The following CDS2 variants were observed in gnomAD, a reference collection of about 807,000 sequenced individuals.
The protein encoded by CDS2 is phosphatidate cytidylyltransferase 2.
In CDS2, 47 loss-of-function variants were observed where a neutral mutation model predicts 59.0. The observed-to-expected ratio is 0.80, with a 90% CI of 0.63 to 1.02. CDS2 has a LOEUF of 1.02. Ranked by LOEUF, CDS2 falls within the 50% of genes least tolerant of loss-of-function variation. CDS2 has a pLI of 0.00. For synonymous variants in CDS2, 207 were observed against 206.4 expected (o/e 1.00, Z -0.02); for missense variants, 356 against 558.9 (o/e 0.64, Z 3.66).
intron 1 of CDS2, among the ~76,000 whole-genome samples, chr20:5,145,177 G>A (rs1325960506): frequency 2.0e-5 from 3 of 150,956 alleles, no homozygotes; most frequent in Admixed American, 6.6e-5. Flanking sequence ...CTCTGGGCGC[G>A]TAGATGGAGT....
In CDS2 at chr20:5,174,782, T is replaced by C. The variant is rs114220391; in HGVS notation, c.195-401T>C. ...TGTTATTATCATTGCATAATGTTAC[T>C]ATTATTCCCATAATTATTCAGGGCA... On this transcript the variant is annotated intron_variant, in intron 2 of 12. Transcript: ENST00000460006. Among the ~76,000 whole-genome samples, 1,360 of 152,278 alleles carry C rather than the reference T, an allele frequency of 8.9e-3. 16 individuals are homozygous for C. Among genetic ancestry groups the C allele is most frequent in the African/African-American group, 0.032 (1,313 of 41,566 alleles).
chr20:5,196,021 T>A lies in CDS2; in HGVS notation c.*5787T>A, dbSNP rs6107592. ...GAAGGAATGGTGTTGGCTAACAGGA[T>A]CCATGAAATTCCTAGGTCAGTTGAA... On this transcript the variant is annotated 3_prime_UTR_variant, in exon 13 of 13. Coordinates refer to ENST00000460006, the MANE Select transcript of CDS2 (RefSeq NM_003818.4). 0.31 allele frequency: 46,639 copies of A among 151,966 alleles called. 7,698 individuals are homozygous for A. Among genetic ancestry groups the A allele is most frequent in the Non-Finnish European group, 0.38 (25,642 of 67,932 alleles). 9.4% of individuals were successfully genotyped at this position (151,966 alleles called of 1,614,324 possible). A position where few individuals can be genotyped will look rare whatever the true frequency, so the allele number is the denominator to read the frequency against.
intron 5 of CDS2, among the ~76,000 whole-genome samples, chr20:5,182,084 C>T (rs943000606): frequency 3.3e-5 from 5 of 152,222 alleles, no homozygotes; most frequent in Admixed American, 3.3e-4. Context: ...AGCAGCTGGC[C>T]TGACCACTGT....
chr20:5,182,870 T>G (rs1232190233), intron 6 of CDS2, among the ~76,000 whole-genome samples, 191 bp from the exon 7 acceptor site: 1 of 152,214 alleles, frequency 6.6e-6, no homozygotes. Flanking sequence ...GCTCACTCAC[T>G]AGTGGGCTGT....
intron 1 of CDS2, among the ~76,000 whole-genome samples, chr20:5,170,366 C>T (rs1264936428): frequency 2.0e-5 from 3 of 152,210 alleles, no homozygotes; most frequent in Non-Finnish European, 1.5e-5. Flanking sequence ...GCCGCTGGCA[C>T]TCAGCTTCCT....
chr20:5,147,508 A>G (rs919513830), intron 1 of CDS2, among the ~76,000 whole-genome samples: 32 of 152,134 alleles, frequency 2.1e-4, no homozygotes, highest in African/African-American at 6.8e-4. Flanking sequence ...CGTGTGGTAA[A>G]TAGAGGGATT....
intron 1 of CDS2, among the ~76,000 whole-genome samples, chr20:5,150,046 T>C (rs1399756695): frequency 6.6e-6 from 1 of 152,222 alleles, no homozygotes; most frequent in Non-Finnish European, 1.5e-5. Flanking sequence ...GCTTTTGACA[T>C]TGAAATCTTT....
intron 1 of CDS2, among the ~76,000 whole-genome samples, chr20:5,138,303 T>C (rs1425706981): frequency 6.6e-6 from 1 of 151,988 alleles, no homozygotes; most frequent in East Asian, 1.9e-4. Flanking sequence ...AGTTTCACTC[T>C]TTGGCATATA....
At chr20:5,182,538 C>CA in intron 6 of CDS2, 93 bp downstream of exon 6, 1 of 1,155,958 alleles carries the variant, frequency 8.7e-7, no homozygotes, top group East Asian at 2.4e-5. Context: ...TGTGACAAAT[C>CA]AAAACTCAGG....
chr20:5,183,051 T>C lies in CDS2; in HGVS notation c.589-10T>C, dbSNP rs1357671542. On this transcript the variant is annotated splice_polypyrimidine_tract_variant and intron_variant, in intron 6 of 12. Coordinates refer to ENST00000460006, the MANE Select transcript of CDS2 (RefSeq NM_003818.4). ...CTGGTAAGTAGTGTTTATTTTTCTT[T>C]TTTTTGCAGTTTGGCTGGACCCATG... The C allele has an allele frequency of 1.2e-6, 2 of 1,613,126 alleles. No individual in the cohort carries two copies. Among genetic ancestry groups the C allele is most frequent in the East Asian group, 4.5e-5 (2 of 44,898 alleles).
chr20:5,160,696 C>G (rs1385051698), intron 1 of CDS2, among the ~76,000 whole-genome samples: 2 of 152,108 alleles, frequency 1.3e-5, no homozygotes, highest in African/African-American at 4.8e-5. Context: ...ACTCTGTACC[C>G]ATTAAACAAC....
chr20:5,159,157 G>T (rs2090856553), intron 1 of CDS2, among the ~76,000 whole-genome samples: 1 of 151,694 alleles, frequency 6.6e-6, no homozygotes, highest in South Asian at 2.1e-4. Context: ...AATCTAATGT[G>T]TTACATTTTC....
intron 1 of CDS2, among the ~76,000 whole-genome samples, chr20:5,149,932 C>T (rs1242206814): frequency 6.6e-6 from 1 of 152,004 alleles, no homozygotes; most frequent in Non-Finnish European, 1.5e-5. Context: ...TCAGGCTGTT[C>T]TCGAACTCCT....
intron 1 of CDS2, among the ~76,000 whole-genome samples, chr20:5,138,577 C>G (rs961541624): frequency 6.6e-6 from 1 of 151,708 alleles, no homozygotes. Context: ...CCTCTGCCCT[C>G]CAGATTCAAG....
chr20:5,158,465 T>C (rs542739284), intron 1 of CDS2, among the ~76,000 whole-genome samples: 2 of 152,190 alleles, frequency 1.3e-5, no homozygotes, highest in Non-Finnish European at 2.9e-5. Flanking sequence ...TGTAAGCCAC[T>C]GGGCCTGGCC....
chr20:5,189,117 C>T lies in CDS2; in HGVS notation c.1032C>T (p.Thr344=). ...AGATTCACAGCATCGCTCTCTCCAC[C>T]TTTGCCTCGCTCATTGGCCCCTTTG... ...PFQIHSIALS[T]FASLIGPFGG... Residue 344 remains threonine, a synonymous_variant, in exon 11 of 13, where the codon ACC becomes ACT. Transcript: ENST00000460006. 1 of 1,614,208 alleles carries T rather than the reference C, an allele frequency of 6.2e-7. No individual in the cohort carries two copies. Among genetic ancestry groups the T allele is most frequent in the Non-Finnish European group, 8.5e-7 (1 of 1,180,022 alleles).
Position 5,193,192 on chromosome 20 carries a change from T to C in CDS2, c.*2958T>C, listed in dbSNP as rs2091131426. 6 of 152,224 alleles carry C rather than the reference T, an allele frequency of 3.9e-5. No individual in the cohort carries two copies. Among genetic ancestry groups the C allele is most frequent in the Admixed American group, 3.9e-4 (6 of 15,284 alleles). The allele number at this position is 152,224 out of a possible 1,614,324, so 9.4% of individuals were successfully genotyped here. On this transcript the variant is annotated 3_prime_UTR_variant, in exon 13 of 13. Transcript: ENST00000460006. ...TGCGCATGCTGCCCTCTTAACTGCT[T>C]TTAGTATTCAGAAAGGTTCCATTTA... is the stretch of plus-strand genomic sequence containing the variant.
intron 1 of CDS2, among the ~76,000 whole-genome samples, chr20:5,159,307 C>A (rs1952001628): frequency 9.3e-6 from 1 of 107,292 alleles, no homozygotes. Flanking sequence ...GGTATTTCTC[C>A]TAATGCTTTC....
rs1156560777 is a variant in CDS2 at position 5,141,456 on chromosome 20, G to GTACA, written c.57+14307_57+14308insTACA. Reference sequence around the variant, plus strand: ...CAGGAAGGTGAACACATGCTGGGGGGGTGGTGCACCCCAGCTCCACTGGGA... The same window carrying GTACA: ...CAGGAAGGTGAACACATGCTGGGGGGTACAGTGGTGCACCCCAGCTCCACTGGGA... On this transcript the variant is annotated intron_variant, in intron 1 of 12. Transcript: ENST00000460006. Among the ~76,000 whole-genome samples, 7 of 152,284 alleles carry GTACA rather than the reference G, an allele frequency of 4.6e-5. No individual in the cohort carries two copies. The East Asian group carries it at 1.3e-3, about 29-fold the overall frequency.
Sources: allele counts gnomAD v4.1 joint callset (sites outside exome capture counted in the v4.1 genomes callset), GRCh38; gene constraint gnomAD v4.1.1; transcripts MANE v1.5; gene names NCBI Gene and HGNC (gene_info 2026-07-23, HGNC 2026-07-21).